The following DDAH1 variants were observed in gnomAD, a reference collection of about 807,000 sequenced individuals.
DDAH1 encodes the protein N(G),N(G)-dimethylarginine dimethylaminohydrolase 1.
DDAH1 carries 19 observed loss-of-function variants against 28.8 expected under a neutral mutation model. That is an observed-to-expected ratio of 0.66 (90% confidence interval 0.46 to 0.97). The LOEUF (loss-of-function observed/expected upper bound fraction) is 0.97, where lower values mean the gene tolerates loss of function less well. Among genes scored for constraint, DDAH1 ranks in the 50% least tolerant of loss-of-function variants. The pLI is 0.00. For synonymous variants in DDAH1, 153 were observed against 154.4 expected (o/e 0.99, Z 0.07); for missense variants, 326 against 375.9 (o/e 0.87, Z 1.10).
chr1:85,571,787 C>CTT (rs58835610), intron 1 of DDAH1, among the ~76,000 whole-genome samples: 1,115 of 85,412 alleles, frequency 0.013, 31 homozygotes, highest in African/African-American at 0.017. Flanking sequence ...TGTTTATAAG[C>CTT]TTTTTTTTTT....
At chr1:85,372,879 T>C (rs1650458882) in intron 1 of DDAH1, among the ~76,000 whole-genome samples, 1 of 152,130 alleles carries the variant, frequency 6.6e-6, no homozygotes, top group African/African-American at 2.4e-5. Flanking sequence ...AGCAGATTTA[T>C]TATAGATCGG....
chr1:85,336,880 A>G (rs1648164745), intron 4 of DDAH1, among the ~76,000 whole-genome samples: 1 of 152,168 alleles, frequency 6.6e-6, no homozygotes, highest in South Asian at 2.1e-4. Flanking sequence ...CCAAAACTAG[A>G]CAAGGACACA....
At chr1:85,361,134 C>T (rs1045327351) in intron 1 of DDAH1, among the ~76,000 whole-genome samples, 10 of 152,192 alleles carry the variant, frequency 6.6e-5, no homozygotes, top group Non-Finnish European at 1.5e-5. Flanking sequence ...AGGCTGAACT[C>T]GGCAGGCTGT....
intron 1 of DDAH1, among the ~76,000 whole-genome samples, chr1:85,380,165 AGAT>A (rs1650912238): frequency 6.6e-6 from 1 of 152,212 alleles, no homozygotes; most frequent in Non-Finnish European, 1.5e-5. Flanking sequence ...CCTATTTAAC[AGAT>A]GATGAACCAG....
intron 1 of DDAH1, among the ~76,000 whole-genome samples, chr1:85,413,616 A>C (rs1652756029): frequency 6.6e-6 from 1 of 152,236 alleles, no homozygotes; most frequent in Non-Finnish European, 1.5e-5. Context: ...AAGGTATAGA[A>C]AACAGGATAC....
intron 1 of DDAH1, among the ~76,000 whole-genome samples, chr1:85,522,702 T>C (rs1657732684): frequency 6.6e-6 from 1 of 152,168 alleles, no homozygotes; most frequent in Admixed American, 6.5e-5. Context: ...TGGTCTTATA[T>C]TGGATAACAG....
intron 1 of DDAH1, among the ~76,000 whole-genome samples, chr1:85,506,498 C>G (rs1310999491): frequency 6.6e-6 from 1 of 152,204 alleles, no homozygotes; most frequent in Non-Finnish European, 1.5e-5. Flanking sequence ...CTCACAGCAA[C>G]ACTCACCTGG....
At chr1:85,478,885 G>A (rs1375602936) in intron 2 of DDAH1, among the ~76,000 whole-genome samples, 1 of 151,986 alleles carries the variant, frequency 6.6e-6, no homozygotes, top group East Asian at 1.9e-4. Flanking sequence ...ATATTATGGG[G>A]GATAGTCTAA....
intron 1 of DDAH1, among the ~76,000 whole-genome samples, chr1:85,441,539 C>CAAAA (rs10677714): frequency 0.82 from 124,061 of 150,940 alleles, 51,124 homozygotes; most frequent in Middle Eastern, 0.91. Context: ...GACCCCATCT[C>CAAAA]AAAAAAGAAA....
intron 1 of DDAH1, among the ~76,000 whole-genome samples, chr1:85,518,004 G>C (rs914963646): frequency 1.3e-5 from 2 of 152,176 alleles, no homozygotes; most frequent in African/African-American, 2.4e-5. Context: ...GTATCTAATT[G>C]TGCACATGAG....
At chr1:85,387,774 G>A (rs1304504787) in intron 1 of DDAH1, among the ~76,000 whole-genome samples, 2 of 152,106 alleles carry the variant, frequency 1.3e-5, no homozygotes, top group African/African-American at 4.8e-5. Context: ...TGCTATAAAG[G>A]ATACTGGAGG....
chr1:85,540,422 C>T (rs1242492425), intron 1 of DDAH1, among the ~76,000 whole-genome samples: 1 of 152,180 alleles, frequency 6.6e-6, no homozygotes, highest in Non-Finnish European at 1.5e-5. Context: ...TAACTCTTTC[C>T]TGATTCCCCA....
chr1:85,487,996 C>T (rs1475855744), intron 2 of DDAH1, among the ~76,000 whole-genome samples: 1 of 151,956 alleles, frequency 6.6e-6, no homozygotes, highest in Non-Finnish European at 1.5e-5. Flanking sequence ...CCAGCCTGAC[C>T]AACATGGTGA....
At chr1:85,324,655 G>C (rs1450382586) in intron 5 of DDAH1, 85 bp downstream of exon 5, 1 of 1,461,448 alleles carries the variant, frequency 6.8e-7, no homozygotes, top group African/African-American at 1.4e-5. Flanking sequence ...TACAGGAAAA[G>C]GAGGCTCCTA....
At chr1:85,425,338 C>A (rs1340345504) in intron 1 of DDAH1, among the ~76,000 whole-genome samples, 1 of 151,780 alleles carries the variant, frequency 6.6e-6, no homozygotes, top group Non-Finnish European at 1.5e-5. Flanking sequence ...TTTTATTGAT[C>A]CGAATTTGTA....
intron 4 of DDAH1, among the ~76,000 whole-genome samples, chr1:85,325,558 A>G (rs1452070347): frequency 6.6e-6 from 1 of 152,062 alleles, no homozygotes; most frequent in Non-Finnish European, 1.5e-5. Flanking sequence ...TGCATTTTGA[A>G]GCCCTACAGA....
At chr1:85,489,213 A>C (rs546277842) in intron 2 of DDAH1, among the ~76,000 whole-genome samples, 5 of 152,218 alleles carry the variant, frequency 3.3e-5, no homozygotes, top group African/African-American at 1.2e-4. Flanking sequence ...GAAGGGAAAA[A>C]CAGTATGACC....
intron 1 of DDAH1, among the ~76,000 whole-genome samples, chr1:85,431,470 C>T (rs1265973184): frequency 1.3e-5 from 2 of 151,522 alleles, no homozygotes; most frequent in Non-Finnish European, 2.9e-5. Flanking sequence ...CTGAAGGGGA[C>T]TAGGCTGTTC....
chr1:85,471,077 G>GT (rs1226857843), intron 2 of DDAH1, among the ~76,000 whole-genome samples: 1 of 152,178 alleles, frequency 6.6e-6, no homozygotes, highest in Non-Finnish European at 1.5e-5. Context: ...ATTTTTGTTG[G>GT]TTTTGGTGAA....
Sources: gnomAD v4.1 joint callset for allele counts (sites outside exome capture counted in the v4.1 genomes callset) on GRCh38, gnomAD v4.1.1 for gene constraint, MANE v1.5 for transcripts, NCBI Gene and HGNC (gene_info 2026-07-23, HGNC 2026-07-21) for gene names.